IPO7: variants seen among roughly 807,000 people sequenced by gnomAD.
The protein encoded by IPO7 is importin-7.
IPO7 carries 13 observed loss-of-function variants against 136.4 expected under a neutral mutation model. The ratio of observed to expected loss-of-function variants is 0.10; its 90% CI spans 0.06 to 0.15. IPO7 has a LOEUF of 0.15. Among genes scored for constraint, IPO7 ranks in the 10% least tolerant of loss-of-function variants. The pLI, the probability that IPO7 is intolerant of heterozygous loss-of-function variation, is 1.00. For synonymous variants in IPO7, 403 were observed against 404.4 expected (o/e 1.00, Z 0.04); for missense variants, 857 against 1,240.6 (o/e 0.69, Z 4.65).
intron 19 of IPO7, among the ~76,000 whole-genome samples, chr11:9,435,347 G>C (rs770614815): frequency 1.3e-5 from 2 of 152,182 alleles, no homozygotes; most frequent in Non-Finnish European, 2.9e-5. Context: ...ATTAGGAATG[G>C]ATAGAGATGT....
intron 19 of IPO7, among the ~76,000 whole-genome samples, chr11:9,435,797 A>G (rs7104568): frequency 0.33 from 50,946 of 152,082 alleles, 9,614 homozygotes; most frequent in Non-Finnish European, 0.43. Context: ...TTTGCCCTCA[A>G]CAGGCTGCCT....
At chr11:9,402,211 C>T (rs1316533255) in intron 1 of IPO7, among the ~76,000 whole-genome samples, 1 of 151,584 alleles carries the variant, frequency 6.6e-6, no homozygotes, top group African/African-American at 2.4e-5. Context: ...ACCAGCCTGG[C>T]CAATATAGTG....
intron 4 of IPO7, among the ~76,000 whole-genome samples, chr11:9,413,572 A>G (rs1312353317): frequency 1.3e-5 from 2 of 152,080 alleles, no homozygotes; most frequent in Non-Finnish European, 2.9e-5. Context: ...CCAGTTGCCT[A>G]GGTTCATGTC....
intron 3 of IPO7, among the ~76,000 whole-genome samples, chr11:9,409,106 C>G (rs11042339): frequency 0.014 from 2,084 of 150,658 alleles, 44 homozygotes; most frequent in African/African-American, 0.048. Flanking sequence ...AGGAGAATGC[C>G]TTAGTCATTT....
At chr11:9,443,727 A>C (rs1855490158) in intron 24 of IPO7, among the ~76,000 whole-genome samples, 1 of 150,898 alleles carries the variant, frequency 6.6e-6, no homozygotes, top group Non-Finnish European at 1.5e-5. Context: ...ACATAGTGAG[A>C]CATCATCTCT....
intron 1 of IPO7, among the ~76,000 whole-genome samples, chr11:9,401,841 C>T (rs1854801149): frequency 6.6e-6 from 1 of 152,166 alleles, no homozygotes; most frequent in African/African-American, 2.4e-5. Flanking sequence ...TCAGTTTTCA[C>T]AGACTGAGCA....
chr11:9,416,690 A>C (rs1279700679), intron 5 of IPO7, among the ~76,000 whole-genome samples: 1 of 152,220 alleles, frequency 6.6e-6, no homozygotes, highest in East Asian at 1.9e-4. Context: ...AGACCTGTAA[A>C]CATCTTTATG....
chr11:9,426,637 C>T (rs181309433), intron 12 of IPO7, among the ~76,000 whole-genome samples: 9 of 152,288 alleles, frequency 5.9e-5, no homozygotes, highest in East Asian at 1.9e-4. Flanking sequence ...TCCTAGTGAA[C>T]GTGAAGCATT....
At position 9,419,559 on chromosome 11, in the gene IPO7, A is replaced by AATATATAT. The variant is rs1244588095; in HGVS notation, c.727-831_727-824dup. On this transcript the variant is annotated intron_variant, in intron 6 of 24. Transcript: ENST00000379719. ...GAGACTCTGTCTAAAAAAAAAAAAA[A>AATATATAT]ATATATATATATATATATATATATA... 2.1e-3 allele frequency among the ~76,000 whole-genome samples: 241 copies of AATATATAT among 116,814 alleles called. 4 individuals are homozygous for AATATATAT. The highest frequency in any genetic ancestry group is 8.2e-3 in the African/African-American group (219 of 26,644). The allele number at this position is 116,814 out of a possible 152,430, so 76.6% of individuals were successfully genotyped here.
At chr11:9,419,559 A>AAAAAAAATATATATATATAT (rs1256216265) in intron 6 of IPO7, among the ~76,000 whole-genome samples, 17 of 116,840 alleles carry the variant, frequency 1.5e-4, no homozygotes, top group African/African-American at 6.0e-4. Context: ...AAAAAAAAAA[A>AAAAAAAATATATATATATAT]ATATATATAT....
intron 8 of IPO7, among the ~76,000 whole-genome samples, chr11:9,421,262 A>G (rs1393833466): frequency 7.5e-6 from 1 of 134,228 alleles, no homozygotes; most frequent in Non-Finnish European, 1.6e-5. Flanking sequence ...CCCCCGGCCC[A>G]GAATTCTAAT....
chr11:9,411,592 G>T (rs922897075), intron 4 of IPO7, among the ~76,000 whole-genome samples: 2 of 152,128 alleles, frequency 1.3e-5, no homozygotes, highest in African/African-American at 4.8e-5. Context: ...GGTTTTGAGT[G>T]CCAGAATGGG....
chr11:9,435,457 A>G (rs963844603), intron 19 of IPO7, among the ~76,000 whole-genome samples: 1 of 152,236 alleles, frequency 6.6e-6, no homozygotes, highest in Non-Finnish European at 1.5e-5. Context: ...ACTGGAGTCC[A>G]TCAATATCAA....
At chr11:9,443,065 A>G (rs1379724896) in intron 24 of IPO7, among the ~76,000 whole-genome samples, 1 of 151,862 alleles carries the variant, frequency 6.6e-6, no homozygotes, top group Non-Finnish European at 1.5e-5. Context: ...ACAGCCAGAC[A>G]TGGTGGCGCA....
At chr11:9,433,939 TTGAGTCGGAA>T in intron 18 of IPO7, 93 bp downstream of exon 18, 1 of 1,076,048 alleles carries the variant, frequency 9.3e-7, no homozygotes, top group Non-Finnish European at 1.3e-6. Context: ...TTTTTTTTTT[TTGAGTCGGAA>T]TTTTGCTCTT....
chr11:9,440,490 G>T lies in IPO7; in HGVS notation c.2731G>T (p.Asp911Tyr). The change falls in exon 23 of 25, where the codon GAT (aspartate) becomes TAT (tyrosine). Residue 911 changes from aspartate to tyrosine, a missense_variant. Physicochemically the swap from Asp to Tyr is radical, Grantham distance 160. Coordinates refer to ENST00000379719, the MANE Select transcript of IPO7 (RefSeq NM_006391.3). ...GAGTGATGAAGATGATATTGATGAA[G>T]ATGGGCAAGAATATTTGGAGATTCT... ...LGSDEDDIDE[D>Y]GQEYLEILAK... 1.2e-6 allele frequency: 2 copies of T among 1,614,034 alleles called. No individual in the cohort carries two copies. Among genetic ancestry groups the T allele is most frequent in the Non-Finnish European group, 1.7e-6 (2 of 1,179,910 alleles).
intron 22 of IPO7, among the ~76,000 whole-genome samples, chr11:9,438,975 G>A (rs1855423061): frequency 6.6e-6 from 1 of 152,160 alleles, no homozygotes; most frequent in African/African-American, 2.4e-5. Context: ...ACTTAAGAGC[G>A]AGAGATTATA....
In IPO7 at chr11:9,408,570, C is replaced by A; in HGVS notation, c.251C>A (p.Pro84Gln). 6.2e-7 allele frequency: 1 copy of A among 1,610,974 alleles called. No individual in the cohort carries two copies. Among genetic ancestry groups the A allele is most frequent in the Non-Finnish European group, 8.5e-7 (1 of 1,178,070 alleles). The change falls in exon 3 of 25, where the codon CCA (proline) becomes CAA (glutamine). Residue 84 changes from proline to glutamine, a missense_variant. By Grantham distance (76) the Pro-to-Gln change is moderately conservative. This residue lies in a region of IPO7 where 287 missense variants were observed against 307.5 expected (regional missense o/e 0.93). Coordinates refer to ENST00000379719, the MANE Select transcript of IPO7 (RefSeq NM_006391.3). ...APGDISPYTIPEEDRHCIREN... is the reference protein window; with the variant it reads ...APGDISPYTIQEEDRHCIREN... ...GGGGATATATCCCCTTATACTATTCCAGAAGAAGATCGCCATTGTATTCGA... is the reference window on the plus strand; with the variant it reads ...GGGGATATATCCCCTTATACTATTCAAGAAGAAGATCGCCATTGTATTCGA...
Position 9,405,673 on chromosome 11 carries a change from T to TGGGCCTTCCA in IPO7, c.166+2303_166+2312dup, listed in dbSNP as rs1038077248. Among the ~76,000 whole-genome samples, 19 of 152,234 alleles carry TGGGCCTTCCA rather than the reference T, an allele frequency of 1.2e-4. 1 individual carries two copies. The highest frequency in any genetic ancestry group is 4.1e-4 in the African/African-American group (17 of 41,468). ...TGTGAGCTCAAGTGATCTGCCTTCC[T>TGGGCCTTCCA]GGGCCTTCCAAAGTGCTAGGATTAT... is the stretch of plus-strand genomic sequence containing the variant. On this transcript the variant is annotated intron_variant, in intron 2 of 24. Transcript: ENST00000379719.
Sources: gnomAD v4.1 joint callset for allele counts (sites outside exome capture counted in the v4.1 genomes callset) on GRCh38, gnomAD v4.1.1 for gene constraint, gnomAD v4.1.1 regional missense constraint, MANE v1.5 for transcripts, NCBI Gene and HGNC (gene_info 2026-07-23, HGNC 2026-07-21) for gene names.